The following CTNNA2 variants were observed in gnomAD, a reference collection of about 807,000 sequenced individuals.
The protein encoded by CTNNA2 is catenin alpha-2.
In CTNNA2, 42 loss-of-function variants were observed where a neutral mutation model predicts 101.0. That is an observed-to-expected ratio of 0.42 (90% CI 0.32 to 0.54). The LOEUF is 0.54. Among genes scored for constraint, CTNNA2 ranks in the 20% least tolerant of loss-of-function variants. The pLI, the probability that CTNNA2 is intolerant of heterozygous loss-of-function variation, is 0.14. For missense variants in CTNNA2, 871 were observed against 1,223.1 expected (o/e 0.71, Z 4.29); for synonymous variants, 450 against 456.4 (o/e 0.99, Z 0.18).
intron 7 of CTNNA2, among the ~76,000 whole-genome samples, chr2:80,081,069 A>G (rs1699110713): frequency 1.3e-5 from 2 of 151,948 alleles, no homozygotes; most frequent in South Asian, 4.2e-4. Flanking sequence ...GGAAGCAATA[A>G]AAACAGTACA....
At chr2:80,114,241 C>A (rs1210652336) in intron 7 of CTNNA2, among the ~76,000 whole-genome samples, 2 of 152,080 alleles carry the variant, frequency 1.3e-5, no homozygotes, top group African/African-American at 2.4e-5. Context: ...CTCTTTTATG[C>A]AATAGGAATC....
At chr2:79,370,873 G>A (rs927579667) in intron 3 of CTNNA2, among the ~76,000 whole-genome samples, 3 of 152,140 alleles carry the variant, frequency 2.0e-5, no homozygotes, top group African/African-American at 4.8e-5. Flanking sequence ...TGGTGGGAAG[G>A]CAGCAATCAC....
intron 4 of CTNNA2, among the ~76,000 whole-genome samples, chr2:79,868,716 C>T (rs1682341318): frequency 6.6e-6 from 1 of 152,174 alleles, no homozygotes; most frequent in Non-Finnish European, 1.5e-5. Flanking sequence ...TTTCTCATTA[C>T]TCTTTCTTTC....
At chr2:79,633,435 A>C (rs989186955) in intron 1 of CTNNA2, among the ~76,000 whole-genome samples, 1 of 152,160 alleles carries the variant, frequency 6.6e-6, no homozygotes, top group African/African-American at 2.4e-5. Flanking sequence ...AGAAAAAGGA[A>C]AATATCCCAC....
intron 7 of CTNNA2, among the ~76,000 whole-genome samples, chr2:79,963,731 A>G (rs1689827511): frequency 6.6e-6 from 1 of 152,208 alleles, no homozygotes; most frequent in African/African-American, 2.4e-5. Context: ...TTACTTTGCC[A>G]CAAAATGTCC....
intron 8 of CTNNA2, among the ~76,000 whole-genome samples, chr2:80,400,622 G>A (rs1025049605): frequency 6.8e-6 from 1 of 146,788 alleles, no homozygotes; most frequent in Non-Finnish European, 1.5e-5. Context: ...ACCCCACCAT[G>A]GCTCTACACA....
chr2:79,777,598 C>G (rs1200474556), intron 3 of CTNNA2, among the ~76,000 whole-genome samples: 1 of 152,120 alleles, frequency 6.6e-6, no homozygotes, highest in Admixed American at 6.6e-5. Context: ...AGAGAGCTTG[C>G]CCCATTCTCT....
At chr2:80,567,775 T>A (rs1036072574) in intron 12 of CTNNA2, among the ~76,000 whole-genome samples, 10 of 152,102 alleles carry the variant, frequency 6.6e-5, no homozygotes, top group Admixed American at 5.9e-4. Context: ...TCAGTGACTG[T>A]CTGTGATGGG....
At chr2:79,247,452 A>AT (rs796497752) in intron 2 of CTNNA2, among the ~76,000 whole-genome samples, 14 of 152,294 alleles carry the variant, frequency 9.2e-5, no homozygotes, top group African/African-American at 3.4e-4. Context: ...CAGGGCACTT[A>AT]TTTTGGAGCA....
chr2:80,119,366 G>A (rs569398455), intron 7 of CTNNA2, among the ~76,000 whole-genome samples: 1 of 152,260 alleles, frequency 6.6e-6, no homozygotes, highest in South Asian at 2.1e-4. Context: ...AGAGGGACAG[G>A]GATTGGGGAG....
rs35203371 is a variant in CTNNA2 at position 80,090,146 on chromosome 2, C to CTGTG, written c.1056+180389_1056+180392dup. ...AAAGGAAGTTTCACTCTCTCTCTCT[C>CTGTG]TGTGTGTGTGTGTGTGTGTGTGTGT... On this transcript the variant is annotated intron_variant, in intron 7 of 18. Coordinates refer to ENST00000402739, the MANE Select transcript of CTNNA2 (RefSeq NM_001282597.3). 2.5e-3 allele frequency among the ~76,000 whole-genome samples: 353 copies of CTGTG among 140,718 alleles called. 2 individuals are homozygous for CTGTG. Among genetic ancestry groups the CTGTG allele is most frequent in the East Asian group, 3.5e-3 (17 of 4,852 alleles). The allele number at this position is 140,718 out of a possible 152,430, so 92.3% of individuals were successfully genotyped here.
At chr2:80,587,786 T>C (rs191683598) in intron 14 of CTNNA2, among the ~76,000 whole-genome samples, 2 of 152,300 alleles carry the variant, frequency 1.3e-5, no homozygotes, top group East Asian at 1.9e-4. Flanking sequence ...TTATGGAAAA[T>C]ATGTGCATCC....
intron 3 of CTNNA2, among the ~76,000 whole-genome samples, chr2:79,818,207 ATAT>A (rs1371820646): frequency 6.6e-6 from 1 of 152,168 alleles, no homozygotes; most frequent in East Asian, 1.9e-4. Flanking sequence ...GTTCACTTTC[ATAT>A]TATTCATTTT....
chr2:79,592,082 T>TGA (rs1281022408), intron 1 of CTNNA2, among the ~76,000 whole-genome samples: 1 of 151,580 alleles, frequency 6.6e-6, no homozygotes, highest in Non-Finnish European at 1.5e-5. Context: ...CTTTTCTGAC[T>TGA]GCTTTGAAAG....
At chr2:80,323,166 C>T (rs953723226) in intron 7 of CTNNA2, among the ~76,000 whole-genome samples, 6 of 152,156 alleles carry the variant, frequency 3.9e-5, no homozygotes, top group Non-Finnish European at 7.3e-5. Flanking sequence ...TCGTGTAGCT[C>T]AGTGGGGTTC....
intron 9 of CTNNA2, among the ~76,000 whole-genome samples, chr2:80,447,823 G>T (rs1232525627): frequency 6.6e-6 from 1 of 152,196 alleles, no homozygotes. Context: ...TGGAAGGTGG[G>T]AGGGTGGAGG....
intron 1 of CTNNA2, among the ~76,000 whole-genome samples, chr2:79,589,719 C>CG (rs11437417): frequency 0.77 from 115,653 of 150,714 alleles, 44,522 homozygotes; most frequent in South Asian, 0.82. Flanking sequence ...TTTTTTTTTC[C>CG]CCCCCCCGAG....
At chr2:80,350,914 T>C (rs1673230248) in intron 7 of CTNNA2, among the ~76,000 whole-genome samples, 1 of 152,244 alleles carries the variant, frequency 6.6e-6, no homozygotes, top group Non-Finnish European at 1.5e-5. Context: ...TAGTAAAAAC[T>C]CTCATGTGAC....
At chr2:79,494,672 T>C (rs1383762127) in intron 4 of CTNNA2, among the ~76,000 whole-genome samples, 1 of 152,124 alleles carries the variant, frequency 6.6e-6, no homozygotes, top group African/African-American at 2.4e-5. Context: ...ATTATAGATA[T>C]ATATGGAATA....
Sources: gnomAD v4.1 joint callset for allele counts (sites outside exome capture counted in the v4.1 genomes callset) on GRCh38, gnomAD v4.1.1 for gene constraint, MANE v1.5 for transcripts, NCBI Gene and HGNC (gene_info 2026-07-23, HGNC 2026-07-21) for gene names.